Variants in ELOVL6 observed in about 807,000 individuals in gnomAD.
ELOVL6 encodes very long chain fatty acid elongase 6.
A neutral mutation model predicts 31.7 loss-of-function variants in ELOVL6; 8 were observed. The ratio of observed to expected loss-of-function variants is 0.25; its 90% CI spans 0.15 to 0.45. The LOEUF is 0.45. Ranked by LOEUF, ELOVL6 falls within the 20% of genes least tolerant of loss-of-function variation. ELOVL6 has a pLI of 1.00. For synonymous variants in ELOVL6, 101 were observed against 117.7 expected, an observed-to-expected ratio of 0.86 and a Z score of 0.92; for missense variants, 126 against 326.4, an observed-to-expected ratio of 0.39 and a Z score of 4.73.
chr4:110,196,412 G>A (rs1352730553), intron 1 of ELOVL6, among the ~76,000 whole-genome samples: 1 of 152,188 alleles, frequency 6.6e-6, no homozygotes, highest in Non-Finnish European at 1.5e-5. Flanking sequence ...GCGCCCGCCG[G>A]CTCCGGCCAC....
chr4:110,083,973 A>AG lies in ELOVL6; in HGVS notation c.221+21523_221+21524insC, dbSNP rs1560813288. ...TGTTATATATGATATATATGATATAACATATGCCATATACGATATATAACA... is the reference window on the plus strand; with the variant it reads ...TGTTATATATGATATATATGATATAAGCATATGCCATATACGATATATAACA... On this transcript the variant is annotated intron_variant, in intron 2 of 3. Transcript: ENST00000302274. Among the ~76,000 whole-genome samples, 11 of 83,916 alleles carry AG rather than the reference A, an allele frequency of 1.3e-4. 1 individual carries two copies. The highest frequency in any genetic ancestry group is 3.0e-4 in the Non-Finnish European group (11 of 36,296). The allele number at this position is 83,916 out of a possible 152,430, so 55.1% of individuals were successfully genotyped here.
chr4:110,160,912 G>A (rs1758612976), intron 1 of ELOVL6, among the ~76,000 whole-genome samples: 1 of 152,168 alleles, frequency 6.6e-6, no homozygotes, highest in Non-Finnish European at 1.5e-5. Context: ...TCTATTCAGT[G>A]GAGTCTTGCA....
At chr4:110,150,096 G>A (rs1412577450) in intron 1 of ELOVL6, among the ~76,000 whole-genome samples, 1 of 151,850 alleles carries the variant, frequency 6.6e-6, no homozygotes, top group Non-Finnish European at 1.5e-5. Flanking sequence ...GTTTTTCATA[G>A]AGACACCGTC....
intron 1 of ELOVL6, among the ~76,000 whole-genome samples, chr4:110,197,024 C>T (rs1759823443): frequency 6.6e-6 from 1 of 152,234 alleles, no homozygotes; most frequent in Non-Finnish European, 1.5e-5. Flanking sequence ...CCGCCCAGGC[C>T]ACAGGCGCGC....
At chr4:110,158,947 C>A (rs1304391501) in intron 1 of ELOVL6, among the ~76,000 whole-genome samples, 1 of 152,042 alleles carries the variant, frequency 6.6e-6, no homozygotes. Flanking sequence ...AGGCATGAGC[C>A]ACCGTGCCTG....
At chr4:110,091,677 A>C (rs1187200269) in intron 2 of ELOVL6, among the ~76,000 whole-genome samples, 1 of 152,198 alleles carries the variant, frequency 6.6e-6, no homozygotes, top group East Asian at 1.9e-4. Flanking sequence ...GTTAACACAA[A>C]TACCAGCTAC....
rs1446894559 is a variant in ELOVL6, at chr4:110,084,584, ATATATTT to A, written c.221+20906_221+20912del. On this transcript the variant is annotated intron_variant, in intron 2 of 3. Transcript: ENST00000302274. ...CACAGATATATATATATATATATAT[ATATATTT>A]TTTTTTTTTTTTTTTTTTTTTGAGA... 1.1e-3 allele frequency among the ~76,000 whole-genome samples: 62 copies of A among 54,828 alleles called. 1 individual carries two copies. The highest frequency in any genetic ancestry group is 8.5e-3 in the African/African-American group (60 of 7,100). 36.0% of individuals were successfully genotyped at this position (54,828 alleles called of 152,430 possible).
In ELOVL6 at chr4:110,162,403, T is replaced by C. The variant is rs144107429; in HGVS notation, c.89+35844A>G. Among the ~76,000 whole-genome samples, 721 of 152,312 alleles carry C rather than the reference T, an allele frequency of 4.7e-3. 9 individuals are homozygous for C. The highest frequency in any genetic ancestry group is 0.015 in the African/African-American group (638 of 41,574). On this transcript the variant is annotated intron_variant, in intron 1 of 3. Coordinates refer to ENST00000302274, the MANE Select transcript of ELOVL6 (RefSeq NM_024090.3). ...ATGTGTTGCCCAGGCTGGAGTGCAG[T>C]GGCGCAATCACAGCTCACTGTAGCC... is the stretch of plus-strand genomic sequence containing the variant.
At chr4:110,128,381 TA>T (rs1757568933) in intron 1 of ELOVL6, among the ~76,000 whole-genome samples, 1 of 152,172 alleles carries the variant, frequency 6.6e-6, no homozygotes, top group African/African-American at 2.4e-5. Context: ...GAGTAATGGG[TA>T]GCCAATGAAG....
intron 2 of ELOVL6, among the ~76,000 whole-genome samples, chr4:110,066,254 A>G (rs1755296168): frequency 6.6e-6 from 1 of 152,138 alleles, no homozygotes; most frequent in Non-Finnish European, 1.5e-5. Flanking sequence ...GTGATGCCAG[A>G]ACAGGTTAAA....
intron 2 of ELOVL6, among the ~76,000 whole-genome samples, chr4:110,094,447 T>TA (rs1756520953): frequency 9.2e-6 from 1 of 109,018 alleles, no homozygotes; most frequent in Non-Finnish European, 1.9e-5. Flanking sequence ...ATATATAATA[T>TA]ATATAACATA....
In ELOVL6 at chr4:110,048,870, A is replaced by C. The variant is rs556209861; in HGVS notation, c.*2468T>G. 2 of 152,330 alleles carry C rather than the reference A, an allele frequency of 1.3e-5. No homozygotes were observed. Among genetic ancestry groups the C allele is most frequent in the South Asian group, 2.1e-4 (1 of 4,826 alleles). The allele number at this position is 152,330 out of a possible 1,614,324, so 9.4% of individuals were successfully genotyped here. ...CAAACAAACATGAACCTAATACCAA[A>C]ATGAAAGTGCTTTGGAAGCATCATT... On this transcript the variant is annotated 3_prime_UTR_variant, in exon 4 of 4. Coordinates refer to ENST00000302274, the MANE Select transcript of ELOVL6 (RefSeq NM_024090.3).
Position 110,059,516 on chromosome 4 carries a change from C to T in ELOVL6, c.373+87G>A, listed in dbSNP as rs138380408. On this transcript the variant is annotated intron_variant, in intron 3 of 3. Coordinates refer to ENST00000302274, the MANE Select transcript of ELOVL6 (RefSeq NM_024090.3). ...CTTTCTTGCAACCAACAAAATAGGA[C>T]CTTCAAAATGTTTCTTTGCTCACTA... The T allele has an allele frequency of 4.0e-5, 57 of 1,408,064 alleles. No homozygotes were observed. The African/African-American group carries it at 7.7e-4, about 19-fold the overall frequency. The allele number at this position is 1,408,064 out of a possible 1,614,324, so 87.2% of individuals were successfully genotyped here.
rs559263961 is a variant in ELOVL6 at position 110,045,919 on chromosome 4, C to T, written c.*5419G>A. On this transcript the variant is annotated 3_prime_UTR_variant, in exon 4 of 4. Coordinates refer to ENST00000302274, the MANE Select transcript of ELOVL6 (RefSeq NM_024090.3). Reference sequence around the variant, plus strand: ...CAGGAAAAAATATTTTTTTTAATGTCGTGAAATAAGCACTTGAAAATAACA... The same window carrying T: ...CAGGAAAAAATATTTTTTTTAATGTTGTGAAATAAGCACTTGAAAATAACA... 1.5e-4 allele frequency: 23 copies of T among 151,834 alleles called. No homozygotes were observed. Among genetic ancestry groups the T allele is most frequent in the African/African-American group, 4.8e-4 (20 of 41,396 alleles). 9.4% of individuals were successfully genotyped at this position (151,834 alleles called of 1,614,324 possible). A position where few individuals can be genotyped will look rare whatever the true frequency, so the allele number is the denominator to read the frequency against.
chr4:110,151,043 A>G (rs76102891), intron 1 of ELOVL6, among the ~76,000 whole-genome samples: 1 of 130,708 alleles, frequency 7.7e-6, no homozygotes, highest in African/African-American at 2.6e-5. Flanking sequence ...ACTCCGTCTG[A>G]AAAAAAAAAA....
At chr4:110,134,844 A>G (rs1757770897) in intron 1 of ELOVL6, among the ~76,000 whole-genome samples, 1 of 152,098 alleles carries the variant, frequency 6.6e-6, no homozygotes. Flanking sequence ...TTGTAGTCTC[A>G]GCTACTCAGG....
At chr4:110,196,615 G>A (rs955719732) in intron 1 of ELOVL6, among the ~76,000 whole-genome samples, 2 of 152,218 alleles carry the variant, frequency 1.3e-5, no homozygotes, top group Admixed American at 1.3e-4. Flanking sequence ...GGCCCGGGAG[G>A]GCACCAGCCC....
rs529458792 is a variant in ELOVL6, at chr4:110,101,332, G to A, written c.221+4165C>T. Among the ~76,000 whole-genome samples, 12 of 152,054 alleles carry A rather than the reference G, an allele frequency of 7.9e-5. No individual in the cohort carries two copies. In the South Asian group the frequency reaches 1.5e-3, roughly 18 times the overall value. On this transcript the variant is annotated intron_variant, in intron 2 of 3. Transcript: ENST00000302274. Reference sequence around the variant, plus strand: ...TGGGATTACAGGTGTGAGCCACCACGCCTGGCCAGAAGAGCATATTTTTGA... The same window carrying A: ...TGGGATTACAGGTGTGAGCCACCACACCTGGCCAGAAGAGCATATTTTTGA...
In ELOVL6 at chr4:110,083,259, G is replaced by T. The variant is rs1349239844; in HGVS notation, c.221+22238C>A. The stretch of plus-strand genomic sequence containing the variant: ...ACAGGATAACAAAACCAGGTAAAGT[G>T]ATAATGGACTAGGGATGAGGGCAAG... On this transcript the variant is annotated intron_variant, in intron 2 of 3. Transcript: ENST00000302274. Among the ~76,000 whole-genome samples, 7 of 151,712 alleles carry T rather than the reference G, an allele frequency of 4.6e-5. 2 individuals are homozygous for T. Among genetic ancestry groups the T allele is most frequent in the African/African-American group, 1.5e-4 (6 of 40,994 alleles).
Sources: allele counts gnomAD v4.1 joint callset (sites outside exome capture counted in the v4.1 genomes callset), GRCh38; gene constraint gnomAD v4.1.1; transcripts MANE v1.5; gene names NCBI Gene and HGNC (gene_info 2026-07-23, HGNC 2026-07-21).